Variants in ZMIZ1 observed in about 807,000 individuals in gnomAD.
ZMIZ1 encodes the protein zinc finger MIZ-type containing 1, also known as zinc finger MIZ domain-containing protein 1.
ZMIZ1 carries 17 observed loss-of-function variants against 113.9 expected under a neutral mutation model. That is an observed-to-expected ratio of 0.15 (90% CI 0.10 to 0.22). The LOEUF is 0.22. ZMIZ1 is among the 10% of genes least tolerant of loss of function. The probability of loss-of-function intolerance (pLI) is 1.00; values close to 1 mark genes in which losing one functional copy is unlikely to be tolerated. For synonymous variants in ZMIZ1, 607 were observed against 603.1 expected, an observed-to-expected ratio of 1.01 and a Z score of -0.09; for missense variants, 1,059 against 1,477.8, an observed-to-expected ratio of 0.72 and a Z score of 4.65.
At chr10:79,245,525 GT>G (rs1252344654) in intron 7 of ZMIZ1, among the ~76,000 whole-genome samples, 1 of 152,206 alleles carries the variant, frequency 6.6e-6, no homozygotes, top group Non-Finnish European at 1.5e-5. Flanking sequence ...TTGGGACGGG[GT>G]CGGGGGGCAG....
chr10:79,281,119 A>G (rs1378713218), intron 8 of ZMIZ1, among the ~76,000 whole-genome samples: 1 of 152,190 alleles, frequency 6.6e-6, no homozygotes, highest in Non-Finnish European at 1.5e-5. Flanking sequence ...GTGATTGTTC[A>G]GGTCACAGAG....
Position 79,072,009 on chromosome 10 carries a change from G to A in ZMIZ1, c.-337+2739G>A, listed in dbSNP as rs115913809. On this transcript the variant is annotated intron_variant, in intron 1 of 24. Transcript: ENST00000334512. The stretch of plus-strand genomic sequence containing the variant: ...GGGGAGGAGAAGGGAGCAGTAGGGA[G>A]TGGATTCAAGAGGTGGATTTGGCAT... 9.7e-3 allele frequency among the ~76,000 whole-genome samples: 1,470 copies of A among 152,236 alleles called. 19 individuals carry two copies. Among genetic ancestry groups the A allele is most frequent in the African/African-American group, 0.033 (1,388 of 41,500 alleles).
intron 12 of ZMIZ1, chr10:79,294,010 C>T (rs1362986500): frequency 5.5e-6 from 2 of 365,362 alleles, no homozygotes; most frequent in Non-Finnish European, 1.0e-5. Flanking sequence ...GGGTTTAGTT[C>T]CTCCTGCCCA....
intron 2 of ZMIZ1, among the ~76,000 whole-genome samples, chr10:79,136,700 AC>A (rs1314944161): frequency 3.3e-5 from 5 of 152,194 alleles, no homozygotes; most frequent in Non-Finnish European, 7.3e-5. Context: ...TGGTTATAGT[AC>A]TGACCTCATA....
At chr10:79,297,521 G>A (rs191538778) in intron 13 of ZMIZ1, 92 bp from the exon 14 acceptor site, 26 of 1,092,644 alleles carry the variant, frequency 2.4e-5, no homozygotes, top group South Asian at 1.8e-4. Context: ...TAGCATCCCC[G>A]TGCTCCTGGT....
chr10:79,221,400 G>A (rs1045893885), intron 7 of ZMIZ1, among the ~76,000 whole-genome samples: 1 of 152,222 alleles, frequency 6.6e-6, no homozygotes, highest in Non-Finnish European at 1.5e-5. Flanking sequence ...TTGTTCTGGC[G>A]CAGCCTTTAG....
intron 1 of ZMIZ1, among the ~76,000 whole-genome samples, chr10:79,097,111 G>T (rs1269468850): frequency 1.3e-5 from 2 of 152,208 alleles, no homozygotes; most frequent in Admixed American, 1.3e-4. Context: ...CCCCCGGGTC[G>T]CCAGCAGTGC....
intron 1 of ZMIZ1, among the ~76,000 whole-genome samples, chr10:79,094,511 A>G (rs1175697486): frequency 6.6e-6 from 1 of 152,248 alleles, no homozygotes. Flanking sequence ...GGTACTGCTT[A>G]CTTCCCAGGT....
intron 2 of ZMIZ1, among the ~76,000 whole-genome samples, chr10:79,120,783 C>T (rs1844257646): frequency 6.6e-6 from 1 of 152,208 alleles, no homozygotes; most frequent in Non-Finnish European, 1.5e-5. Context: ...GGCTGTTCCT[C>T]TCCAGGCTTC....
At chr10:79,086,233 T>C (rs1842809162) in intron 1 of ZMIZ1, among the ~76,000 whole-genome samples, 1 of 152,080 alleles carries the variant, frequency 6.6e-6, no homozygotes, top group Non-Finnish European at 1.5e-5. Flanking sequence ...TCCCCGCCCC[T>C]CCTTACCTGG....
At chr10:79,279,007 G>GGGC (rs886939188) in intron 8 of ZMIZ1, among the ~76,000 whole-genome samples, 2 of 151,772 alleles carry the variant, frequency 1.3e-5, no homozygotes, top group Admixed American at 6.6e-5. Flanking sequence ...TTCCCAGACG[G>GGGC]GGTGGCCGGG....
At chr10:79,142,771 C>G (rs1845327388) in intron 3 of ZMIZ1, among the ~76,000 whole-genome samples, 2 of 152,366 alleles carry the variant, frequency 1.3e-5, no homozygotes, top group South Asian at 4.1e-4. Context: ...TTCCCACTTT[C>G]TTCAGCTAGC....
chr10:79,259,524 A>G (rs1187283143), intron 7 of ZMIZ1, among the ~76,000 whole-genome samples: 1 of 152,128 alleles, frequency 6.6e-6, no homozygotes, highest in African/African-American at 2.4e-5. Context: ...ATTCTTCCAT[A>G]GGAAAATTTA....
chr10:79,209,323 C>T (rs1848452145), intron 6 of ZMIZ1, among the ~76,000 whole-genome samples: 1 of 152,200 alleles, frequency 6.6e-6, no homozygotes, highest in Admixed American at 6.5e-5. Flanking sequence ...GGGCAGAGGC[C>T]AGGTCCAGAG....
chr10:79,166,253 G>A (rs114424678), intron 4 of ZMIZ1, among the ~76,000 whole-genome samples: 539 of 152,322 alleles, frequency 3.5e-3, no homozygotes, highest in African/African-American at 0.012. Context: ...CAGCACGGCT[G>A]CACCATGCCA....
rs1406948633 is a variant in ZMIZ1 at position 79,296,567 on chromosome 10, C to T, written c.1327C>T (p.Pro443Ser). Reference sequence around the variant, plus strand: ...CAACCCCCCGAGGCCACTCACCTCCCCCAACTACCCAGGACAGAGGATGCC... The same window carrying T: ...CAACCCCCCGAGGCCACTCACCTCCTCCAACTACCCAGGACAGAGGATGCC... ...APNPPRPLTSPNYPGQRMPSQ... is the reference protein window; with the variant it reads ...APNPPRPLTSSNYPGQRMPSQ... Residue 443 changes from proline (P) to serine (S), a missense_variant, in exon 13 of 25, where the codon CCC (proline) becomes TCC (serine). Physicochemically the swap from Pro to Ser is moderately conservative, Grantham distance 74. Coordinates refer to ENST00000334512, the MANE Select transcript of ZMIZ1 (RefSeq NM_020338.4). This position sits in a 1 kb window ranked among gnomAD's most constrained non-coding sequence, Gnocchi z 4.1. 3.1e-6 allele frequency: 5 copies of T among 1,613,264 alleles called. No individual in the cohort carries two copies. The Admixed American group carries it at 6.7e-5, about 22-fold the overall frequency.
At chr10:79,221,348 C>T (rs1371857870) in intron 7 of ZMIZ1, among the ~76,000 whole-genome samples, 1 of 152,226 alleles carries the variant, frequency 6.6e-6, no homozygotes, top group Non-Finnish European at 1.5e-5. Flanking sequence ...AGCCGCCAGG[C>T]AGGCGGCTCC....
At chr10:79,153,366 GAGAC>G (rs1845780847) in intron 3 of ZMIZ1, among the ~76,000 whole-genome samples, 1 of 152,212 alleles carries the variant, frequency 6.6e-6, no homozygotes, top group African/African-American at 2.4e-5. Context: ...GGCAGATAGA[GAGAC>G]AGAGATGTCA....
At chr10:79,106,167 T>C (rs1174744551) in intron 1 of ZMIZ1, among the ~76,000 whole-genome samples, 1 of 152,178 alleles carries the variant, frequency 6.6e-6, no homozygotes, top group Non-Finnish European at 1.5e-5. Flanking sequence ...GCCTCTCCAT[T>C]GAAGTTCCCA....
Sources: gnomAD v4.1 joint callset for allele counts (sites outside exome capture counted in the v4.1 genomes callset) on GRCh38, gnomAD v4.1.1 for gene constraint, Gnocchi (gnomAD v3.1) non-coding constraint, MANE v1.5 for transcripts, NCBI Gene and HGNC (gene_info 2026-07-23, HGNC 2026-07-21) for gene names.